THAP3: variants seen among roughly 807,000 people sequenced by gnomAD.
THAP3 encodes the protein THAP domain containing 3.
THAP3 carries 12 observed loss-of-function variants against 17.7 expected under a neutral mutation model. The observed-to-expected ratio is 0.68, with a 90% confidence interval of 0.43 to 1.10. THAP3 has a LOEUF of 1.10. Ranked by LOEUF, THAP3 falls within the 50% of genes least tolerant of loss-of-function variation. THAP3 has a pLI of 0.00. For synonymous variants in THAP3, 133 were observed against 126.9 expected, an observed-to-expected ratio of 1.05 and a Z score of -0.32; for missense variants, 289 against 318.0, an observed-to-expected ratio of 0.91 and a Z score of 0.69.
At chr1:6,626,003 C>G (rs1224360269) in intron 2 of THAP3, among the ~76,000 whole-genome samples, 1 of 152,186 alleles carries the variant, frequency 6.6e-6, no homozygotes, top group African/African-American at 2.4e-5. Context: ...CCCAAGTGAA[C>G]GTCACTGAAC....
At position 6,632,999 on chromosome 1, in the gene THAP3, A is replaced by T. The variant is rs1420270077; in HGVS notation, c.642A>T (p.Arg214=). Residue 214 remains arginine, a synonymous_variant, in exon 6 of 6, where the codon CGA becomes CGT. Transcript: ENST00000054650. ...TGCAGGCCCAGAGGCTGGTGATGCG[A>T]AGGATGTCCAGCCGCCTCCGTGCTT... ...KRLQAQRLVM[R]RMSSRLRACK... 4.3e-6 allele frequency: 7 copies of T among 1,612,782 alleles called. No homozygotes were observed. Among genetic ancestry groups the T allele is most frequent in the Non-Finnish European group, 5.9e-6 (7 of 1,179,844 alleles).
intron 4 of THAP3, among the ~76,000 whole-genome samples, chr1:6,631,842 G>T (rs1479910909): frequency 6.6e-6 from 1 of 151,586 alleles, no homozygotes; most frequent in Non-Finnish European, 1.5e-5. Context: ...AGCTGAGATC[G>T]CACCACTTCA....
chr1:6,625,779 C>A (rs1015730070), intron 2 of THAP3, among the ~76,000 whole-genome samples: 2 of 151,864 alleles, frequency 1.3e-5, no homozygotes, highest in South Asian at 4.1e-4. Context: ...CAGGAGCAAT[C>A]GTCATTAGTC....
Position 6,624,881 on chromosome 1 carries a change from C to G in THAP3, c.-143C>G, listed in dbSNP as rs1051956737. The stretch of plus-strand genomic sequence containing the variant: ...GGCCGTTGGTTTCCAGTTGTCCAAG[C>G]CTGTGAGTGGCTATGCGTCCTGGTT... On this transcript the variant is annotated 5_prime_UTR_variant, in exon 1 of 6. Coordinates refer to ENST00000054650, the MANE Select transcript of THAP3 (RefSeq NM_001195753.2). The G allele has an allele frequency of 5.6e-6, 2 of 355,490 alleles. No homozygotes were observed. Among genetic ancestry groups the G allele is most frequent in the Non-Finnish European group, 1.0e-5 (2 of 192,192 alleles). The allele number at this position is 355,490 out of a possible 1,614,324, so 22.0% of individuals were successfully genotyped here.
In THAP3 at chr1:6,632,494, AG is replaced by A. The variant is rs776980856; in HGVS notation, c.438+1del. The A allele has an allele frequency of 5.0e-6, 8 of 1,614,062 alleles. No individual in the cohort carries two copies. Among genetic ancestry groups the A allele is most frequent in the East Asian group, 2.2e-5 (1 of 44,902 alleles). On this transcript the variant is annotated frameshift_variant and splice_region_variant, in exon 5 of 6. Coordinates refer to ENST00000054650, the MANE Select transcript of THAP3 (RefSeq NM_001195753.2). LOFTEE classifies it low-confidence loss of function (END_TRUNC). Reference protein sequence around the residue: ...LPPNAEGHVKQVSPRRPQATE... With the variant: ...LPPNAEGHVKXVSPRRPQATE... ...CCAAATGCCGAAGGCCACGTAAAACAGGTAAGACTGAGTGCAAAGGTGGTCT... is the reference window on the plus strand; with the variant it reads ...CCAAATGCCGAAGGCCACGTAAAACAGTAAGACTGAGTGCAAAGGTGGTCT...
downstream of THAP3, chr1:6,634,012 T>C: frequency 6.2e-7 from 1 of 1,612,890 alleles, no homozygotes; most frequent in Non-Finnish European, 8.5e-7. Flanking sequence ...GGTCTATTTA[T>C]TTCTCAGGCA....
At chr1:6,632,199 G>A (rs1293742860) in intron 4 of THAP3, among the ~76,000 whole-genome samples, 192 bp from the exon 5 acceptor site, 1 of 146,986 alleles carries the variant, frequency 6.8e-6, no homozygotes, top group African/African-American at 2.5e-5. Context: ...CTAAGTGACA[G>A]AGCGAGACTG....
Position 6,624,965 on chromosome 1 carries a change from C to T in THAP3, c.-70+11C>T. The stretch of plus-strand genomic sequence containing the variant: ...GCATTGGCGAATGGGGTAAGACTTG[C>T]ACAGGCCCAAGGCTAGGAGTTGGGG... On this transcript the variant is annotated intron_variant, in intron 1 of 5. Coordinates refer to ENST00000054650, the MANE Select transcript of THAP3 (RefSeq NM_001195753.2). The T allele has an allele frequency of 1.9e-6, 1 of 523,794 alleles. No homozygotes were observed. Among genetic ancestry groups the T allele is most frequent in the East Asian group, 3.6e-5 (1 of 27,596 alleles). The allele number at this position is 523,794 out of a possible 1,614,324, so 32.4% of individuals were successfully genotyped here.
At chr1:6,625,812 C>A (rs967471235) in intron 2 of THAP3, among the ~76,000 whole-genome samples, 2 of 152,180 alleles carry the variant, frequency 1.3e-5, no homozygotes, top group African/African-American at 4.8e-5. Context: ...TCTCCAAGGT[C>A]CAGTCACGGC....
Position 6,624,959 on chromosome 1 carries a change from G to A in THAP3, c.-70+5G>A. 3.8e-6 allele frequency: 2 copies of A among 519,914 alleles called. No individual in the cohort carries two copies. The highest frequency in any genetic ancestry group is 4.5e-5 in the South Asian group (2 of 44,908). The allele number at this position is 519,914 out of a possible 1,614,324, so 32.2% of individuals were successfully genotyped here. ...CGACCAGCATTGGCGAATGGGGTAA[G>A]ACTTGCACAGGCCCAAGGCTAGGAG... On this transcript the variant is annotated splice_donor_5th_base_variant and intron_variant, in intron 1 of 5. Transcript: ENST00000054650.
chr1:6,633,687 T>TAA (rs1428211390), downstream of THAP3: 1 of 683,778 alleles, frequency 1.5e-6, no homozygotes, highest in Non-Finnish European at 1.9e-6. Context: ...GGTGGGGAGA[T>TAA]CACTTGAGGT....
At chr1:6,634,001 G>T (rs190270367), downstream of THAP3, 28 of 1,609,898 alleles carry the variant, frequency 1.7e-5, no homozygotes, top group African/African-American at 3.5e-4. Context: ...TCCTAACTTG[G>T]GGTCTATTTA....
rs1235696357 is a variant in THAP3, at chr1:6,625,007, G to C, written c.-70+53G>C. Reference sequence around the variant, plus strand: ...GAGTTGGGGTTTCGGGCCTGAATTGGGGCCCGGAGCACCCCTTTACGTGGC... The same window carrying C: ...GAGTTGGGGTTTCGGGCCTGAATTGCGGCCCGGAGCACCCCTTTACGTGGC... On this transcript the variant is annotated intron_variant, in intron 1 of 5. Transcript: ENST00000054650. The C allele has an allele frequency of 2.9e-5, 16 of 556,658 alleles. No homozygotes were observed. In the East Asian group the frequency reaches 5.4e-4, roughly 19 times the overall value. The allele number at this position is 556,658 out of a possible 1,614,324, so 34.5% of individuals were successfully genotyped here.
intron 2 of THAP3, among the ~76,000 whole-genome samples, chr1:6,626,165 C>A (rs1022189517): frequency 1.3e-5 from 2 of 152,036 alleles, no homozygotes; most frequent in African/African-American, 2.4e-5. Context: ...AAAAAATTAG[C>A]CAGGCAAGGT....
chr1:6,633,865 A>C (rs1045281858), downstream of THAP3, among the ~76,000 whole-genome samples: 9 of 151,776 alleles, frequency 5.9e-5, no homozygotes, highest in African/African-American at 2.2e-4. Flanking sequence ...AGCCGAGATC[A>C]CACCACTGCC....
chr1:6,625,777 A>G (rs1221725101), intron 2 of THAP3, among the ~76,000 whole-genome samples: 4 of 151,734 alleles, frequency 2.6e-5, no homozygotes, highest in Non-Finnish European at 4.4e-5. Context: ...CCCAGGAGCA[A>G]TCGTCATTAG....
chr1:6,628,158 G>T, intron 2 of THAP3: 2 of 246,916 alleles, frequency 8.1e-6, no homozygotes, highest in South Asian at 1.2e-4. Flanking sequence ...CTGTGCCCCC[G>T]CTCCAGAATA....
At chr1:6,630,863 C>T (rs1004463607) in intron 4 of THAP3, among the ~76,000 whole-genome samples, 1 of 151,318 alleles carries the variant, frequency 6.6e-6, no homozygotes, top group Non-Finnish European at 1.5e-5. Flanking sequence ...TGAGCCACCG[C>T]GCCTGGGCCC....
chr1:6,632,326 T>A, intron 4 of THAP3, 65 bp from the exon 5 acceptor site: 2 of 1,597,152 alleles, frequency 1.3e-6, no homozygotes, highest in Non-Finnish European at 1.7e-6. Context: ...GAGGGACAAG[T>A]AGCAGCTGCA....
Sources: allele counts gnomAD v4.1 joint callset (sites outside exome capture counted in the v4.1 genomes callset), GRCh38; gene constraint gnomAD v4.1.1; transcripts MANE v1.5; gene names NCBI Gene and HGNC (gene_info 2026-07-23, HGNC 2026-07-21).